Variants in RELN observed in about 807,000 individuals in gnomAD.
The protein encoded by RELN is reelin.
A neutral mutation model predicts 427.6 loss-of-function variants in RELN; 108 were observed. The ratio of observed to expected loss-of-function variants is 0.25; its 90% CI spans 0.22 to 0.30. The LOEUF (loss-of-function observed/expected upper bound fraction) is 0.30. Ranked by LOEUF, RELN falls within the 10% of genes least tolerant of loss-of-function variation. The pLI is 1.00. For synonymous variants in RELN, 1,524 were observed against 1,513.4 expected, an observed-to-expected ratio of 1.01 and a Z score of -0.16; for missense variants, 3,715 against 4,302.8, an observed-to-expected ratio of 0.86 and a Z score of 3.82.
intron 51 of RELN, among the ~76,000 whole-genome samples, chr7:103,505,157 G>A (rs1024411984): frequency 1.3e-5 from 2 of 152,184 alleles, no homozygotes; most frequent in South Asian, 2.1e-4. Flanking sequence ...AGACTTAAAC[G>A]TCCCTGCTTG....
At chr7:103,985,315 A>G (rs1457518809) in intron 1 of RELN, among the ~76,000 whole-genome samples, 1 of 152,184 alleles carries the variant, frequency 6.6e-6, no homozygotes, top group Non-Finnish European at 1.5e-5. Flanking sequence ...ATTTTAGAGC[A>G]TACTTCTCAT....
intron 3 of RELN, among the ~76,000 whole-genome samples, chr7:103,784,980 G>T (rs1791981746): frequency 6.6e-6 from 1 of 152,030 alleles, no homozygotes; most frequent in Admixed American, 6.6e-5. Context: ...TACTGCATAA[G>T]AAACACTATG....
rs369440686 is a variant in RELN at position 103,819,865 on chromosome 7, T to C, written c.473+13672A>G. Among the ~76,000 whole-genome samples, 39 of 152,180 alleles carry C rather than the reference T, an allele frequency of 2.6e-4. No homozygotes were observed. In the South Asian group the frequency reaches 7.9e-3, roughly 31 times the overall value. On this transcript the variant is annotated intron_variant, in intron 3 of 64. Transcript: ENST00000428762. The stretch of plus-strand genomic sequence containing the variant: ...ACTGATGCCTTAGAGCAGTTATTCA[T>C]GCTCTCGGTTTCTTTTAATAAGTTT...
intron 53 of RELN, among the ~76,000 whole-genome samples, chr7:103,499,178 T>G (rs1444065507): frequency 6.6e-6 from 1 of 152,206 alleles, no homozygotes; most frequent in East Asian, 1.9e-4. Flanking sequence ...TTCACCTGTT[T>G]ATCAGGCCAA....
chr7:103,483,554 G>T, intron 62 of RELN, 99 bp downstream of exon 62: 4 of 1,197,356 alleles, frequency 3.3e-6, no homozygotes, highest in Non-Finnish European at 5.0e-6. Context: ...TGGCATTGGT[G>T]CATTAACTTT....
At position 103,803,875 on chromosome 7, in the gene RELN, T is replaced by C. The variant is rs1458360379; in HGVS notation, c.474-27248A>G. 5.3e-5 allele frequency among the ~76,000 whole-genome samples: 8 copies of C among 152,162 alleles called. No individual in the cohort carries two copies. In the East Asian group the frequency reaches 1.4e-3, roughly 26 times the overall value. The stretch of plus-strand genomic sequence containing the variant: ...CAGTTACAGGAAATGCTTTAGAAAC[T>C]GGGGTTCACTAGATATTTTTAAAGG... On this transcript the variant is annotated intron_variant, in intron 3 of 64. Transcript: ENST00000428762.
rs1832193176 is a variant in RELN at position 103,620,500 on chromosome 7, G to A, written c.2703-8697C>T. On this transcript the variant is annotated intron_variant, in intron 20 of 64. Transcript: ENST00000428762. This position sits in a 1 kb window ranked among gnomAD's most constrained non-coding sequence, Gnocchi z 4.1. ...ATTTTTTTTTTTTTTTTGAGATAGA[G>A]TCTCGTCTGTCGCCCAGGCTGGAGT... Among the ~76,000 whole-genome samples, 1 of 143,904 alleles carries A rather than the reference G, an allele frequency of 6.9e-6. No individual in the cohort carries two copies. The highest frequency in any genetic ancestry group is 7.0e-5 in the Admixed American group (1 of 14,312). The allele number at this position is 143,904 out of a possible 152,430, so 94.4% of individuals were successfully genotyped here.
At chr7:103,844,405 AAG>A (rs1366647094) in intron 2 of RELN, among the ~76,000 whole-genome samples, 1 of 152,190 alleles carries the variant, frequency 6.6e-6, no homozygotes, top group Non-Finnish European at 1.5e-5. Context: ...AAAAGAGAGA[AAG>A]AGAGAAGATT....
chr7:103,753,111 C>T lies in RELN; in HGVS notation c.577+71G>A, dbSNP rs752067805. The T allele has an allele frequency of 8.9e-6, 13 of 1,468,456 alleles. 1 individual carries two copies. Among genetic ancestry groups the T allele is most frequent in the South Asian group, 5.7e-5 (5 of 87,924 alleles). The allele number at this position is 1,468,456 out of a possible 1,614,324, so 91.0% of individuals were successfully genotyped here. A position where few individuals can be genotyped will look rare whatever the true frequency, so the allele number is the denominator to read the frequency against. On this transcript the variant is annotated intron_variant, in intron 5 of 64. Transcript: ENST00000428762. ...CTTCCTTGCCTCTATAACATCTGCT[C>T]GTATAGCCAGAAAAGCCAAACAAGT...
At chr7:103,880,170 T>A (rs1179978829) in intron 2 of RELN, among the ~76,000 whole-genome samples, 1 of 151,908 alleles carries the variant, frequency 6.6e-6, no homozygotes, top group Non-Finnish European at 1.5e-5. Context: ...AAGAAGCAGG[T>A]GATGTTAACA....
intron 1 of RELN, among the ~76,000 whole-genome samples, chr7:103,919,027 A>G (rs955870545): frequency 6.6e-6 from 1 of 151,978 alleles, no homozygotes; most frequent in Non-Finnish European, 1.5e-5. Flanking sequence ...GGAAAAAATG[A>G]TATTTGCCTT....
intron 51 of RELN, 39 bp downstream of exon 51, chr7:103,510,812 T>A (rs766694453): frequency 6.6e-7 from 1 of 1,514,218 alleles, no homozygotes; most frequent in Non-Finnish European, 9.2e-7. Context: ...ATATTGCTAA[T>A]GTATGGTTGT....
At chr7:103,677,591 T>C (rs1282979334) in intron 11 of RELN, among the ~76,000 whole-genome samples, 1 of 149,666 alleles carries the variant, frequency 6.7e-6, no homozygotes, top group Admixed American at 6.7e-5. Context: ...CATAGTGAAA[T>C]CCCGTCTCTA....
At chr7:103,742,241 A>G (rs147134791) in intron 6 of RELN, among the ~76,000 whole-genome samples, 3,326 of 152,276 alleles carry the variant, frequency 0.022, 122 homozygotes, top group African/African-American at 0.077. Flanking sequence ...AACAGAAAGG[A>G]CATCCACACC....
intron 28 of RELN, among the ~76,000 whole-genome samples, chr7:103,589,208 T>C (rs1174232823): frequency 1.3e-5 from 2 of 152,220 alleles, no homozygotes; most frequent in African/African-American, 4.8e-5. Context: ...CTGTCAGTAT[T>C]TCAGATGGCC....
intron 20 of RELN, among the ~76,000 whole-genome samples, chr7:103,617,599 A>T (rs538868409): frequency 6.7e-6 from 1 of 150,302 alleles, no homozygotes; most frequent in African/African-American, 2.5e-5. Context: ...ATATATATAT[A>T]TTCCTTTCAG....
chr7:103,496,660 C>T lies in RELN; in HGVS notation c.9059G>A (p.Arg3020His). 1.9e-6 allele frequency: 3 copies of T among 1,614,134 alleles called. No individual in the cohort carries two copies. The highest frequency in any genetic ancestry group is 2.5e-6 in the Non-Finnish European group (3 of 1,180,020). Reference sequence around the variant, plus strand: ...GCTGATCACAAAAGGCTGCCACCAGCGAAGTCGAGTTGTGTTGGTGAGGGC... The same window carrying T: ...GCTGATCACAAAAGGCTGCCACCAGTGAAGTCGAGTTGTGTTGGTGAGGGC... ...EDALTNTTRL[R>H]WWQPFVISNG... The change falls in exon 56 of 65, where the codon CGC (arginine) becomes CAC (histidine). Residue 3020 changes from arginine to histidine, a missense_variant. Physicochemically the swap from Arg to His is conservative, Grantham distance 29. Transcript: ENST00000428762.
intron 24 of RELN, among the ~76,000 whole-genome samples, chr7:103,599,131 AC>A (rs1263152120): frequency 1.3e-5 from 2 of 152,162 alleles, no homozygotes; most frequent in African/African-American, 2.4e-5. Flanking sequence ...ATGACTAATC[AC>A]CTTTTGCTTT....
chr7:103,785,170 G>A (rs1791985905), intron 3 of RELN, among the ~76,000 whole-genome samples: 1 of 152,004 alleles, frequency 6.6e-6, no homozygotes, highest in Non-Finnish European at 1.5e-5. Context: ...ACTGTATTCT[G>A]GAAATGCCTT....
Sources: gnomAD v4.1 joint callset for allele counts (sites outside exome capture counted in the v4.1 genomes callset) on GRCh38, gnomAD v4.1.1 for gene constraint, Gnocchi (gnomAD v3.1) non-coding constraint, MANE v1.5 for transcripts, NCBI Gene and HGNC (gene_info 2026-07-23, HGNC 2026-07-21) for gene names.